Variants in CPNE4 observed in about 807,000 individuals in gnomAD.
The protein encoded by CPNE4 is copine-4.
CPNE4 carries 25 observed loss-of-function variants against 67.9 expected under a neutral mutation model. The observed-to-expected ratio is 0.37, with a 90% CI of 0.27 to 0.51. CPNE4 has a LOEUF of 0.51. Ranked by LOEUF, CPNE4 falls within the 20% of genes least tolerant of loss-of-function variation. The probability of loss-of-function intolerance (pLI) is 0.93; values close to 1 mark genes in which losing one functional copy is unlikely to be tolerated. For missense variants in CPNE4, 464 were observed against 690.8 expected, an observed-to-expected ratio of 0.67 and a Z score of 3.68; for synonymous variants, 242 against 244.9, an observed-to-expected ratio of 0.99 and a Z score of 0.11.
chr3:131,676,586 G>A (rs112242939), intron 6 of CPNE4, among the ~76,000 whole-genome samples: 5,650 of 151,908 alleles, frequency 0.037, 261 homozygotes, highest in African/African-American at 0.11. Flanking sequence ...CTATATGTCC[G>A]TGTGTTCTCA....
chr3:131,940,442 T>C (rs1347057814), intron 1 of CPNE4, among the ~76,000 whole-genome samples: 1 of 152,136 alleles, frequency 6.6e-6, no homozygotes, highest in Non-Finnish European at 1.5e-5. Context: ...ACATTGAGCA[T>C]GTCTTACCTT....
At chr3:131,650,201 A>G (rs1182755743) in intron 7 of CPNE4, among the ~76,000 whole-genome samples, 3 of 152,204 alleles carry the variant, frequency 2.0e-5, no homozygotes, top group Admixed American at 1.3e-4. Context: ...AGGGATATTA[A>G]TTACATCTTC....
chr3:131,880,665 A>C (rs4854847), intron 2 of CPNE4, among the ~76,000 whole-genome samples: 96,362 of 152,032 alleles, frequency 0.63, 30,771 homozygotes, highest in Admixed American at 0.72. Context: ...ACTTGAATGT[A>C]TTCAAAAGAG....
intron 1 of CPNE4, among the ~76,000 whole-genome samples, chr3:131,998,813 A>T (rs1260602493): frequency 6.6e-6 from 1 of 152,094 alleles, no homozygotes; most frequent in African/African-American, 2.4e-5. Flanking sequence ...ACTACATATT[A>T]TGCTATTTTT....
intron 3 of CPNE4, among the ~76,000 whole-genome samples, chr3:131,722,177 C>T (rs902201116): frequency 1.3e-5 from 2 of 152,162 alleles, no homozygotes; most frequent in African/African-American, 4.8e-5. Context: ...AATATATATG[C>T]TTGCCATCTC....
chr3:131,813,287 T>C (rs2084605294), intron 2 of CPNE4, among the ~76,000 whole-genome samples: 1 of 151,362 alleles, frequency 6.6e-6, no homozygotes, highest in African/African-American at 2.4e-5. Flanking sequence ...TATGTTTCCA[T>C]AGTGATAAAG....
intron 1 of CPNE4, among the ~76,000 whole-genome samples, chr3:131,964,646 G>A (rs183390606): frequency 7.4e-4 from 112 of 151,606 alleles, no homozygotes; most frequent in African/African-American, 2.2e-3. Flanking sequence ...CAACTCAATG[G>A]CATAAAGGGT....
chr3:131,810,680 T>G (rs2084490576), intron 2 of CPNE4, among the ~76,000 whole-genome samples: 1 of 152,150 alleles, frequency 6.6e-6, no homozygotes, highest in African/African-American at 2.4e-5. Flanking sequence ...AACCCACTTC[T>G]GGGTATACAT....
At chr3:131,796,470 C>A (rs193278587) in intron 2 of CPNE4, among the ~76,000 whole-genome samples, 2 of 152,250 alleles carry the variant, frequency 1.3e-5, no homozygotes, top group East Asian at 3.9e-4. Flanking sequence ...CAGCTTTCTG[C>A]AAAGAGGACA....
intron 1 of CPNE4, among the ~76,000 whole-genome samples, chr3:131,906,652 T>C (rs930749732): frequency 7.2e-5 from 11 of 152,094 alleles, no homozygotes; most frequent in African/African-American, 1.9e-4. Flanking sequence ...CAGTCTATCA[T>C]TGTTGGACAT....
chr3:131,845,848 GA>G (rs1560451415), intron 2 of CPNE4, among the ~76,000 whole-genome samples: 2 of 152,074 alleles, frequency 1.3e-5, no homozygotes, highest in South Asian at 2.1e-4. Context: ...GACACTAGAG[GA>G]AAAAAATTCT....
intron 2 of CPNE4, among the ~76,000 whole-genome samples, chr3:131,773,651 G>T (rs1411752812): frequency 6.6e-6 from 1 of 151,930 alleles, no homozygotes. Flanking sequence ...CCTGGCCAAG[G>T]AAGATTTAAA....
intron 2 of CPNE4, among the ~76,000 whole-genome samples, chr3:131,836,579 TTCAAGATAGCACA>T (rs2085564821): frequency 1.3e-5 from 2 of 152,182 alleles, no homozygotes; most frequent in African/African-American, 2.4e-5. Flanking sequence ...ACCACTTCTT[TTCAAGATAGCACA>T]GTGCAACCAG....
At position 131,631,581 on chromosome 3, in the gene CPNE4, G is replaced by A. The variant is rs919452419; in HGVS notation, c.681+38094C>T. On this transcript the variant is annotated intron_variant, in intron 7 of 15. Transcript: ENST00000429747. Reference sequence around the variant, plus strand: ...CCCAGTTCAATGTATTACCTTATACGGAAAACCGGAAATTATTAACATTTT... The same window carrying A: ...CCCAGTTCAATGTATTACCTTATACAGAAAACCGGAAATTATTAACATTTT... Among the ~76,000 whole-genome samples the A allele has an allele frequency of 4.6e-5, 7 of 152,100 alleles. 1 individual carries two copies. Among genetic ancestry groups the A allele is most frequent in the South Asian group, 2.1e-4 (1 of 4,816 alleles).
chr3:131,749,768 G>T (rs767320899), intron 2 of CPNE4, among the ~76,000 whole-genome samples: 1 of 151,980 alleles, frequency 6.6e-6, no homozygotes, highest in Admixed American at 6.6e-5. Context: ...ATTTAGGCAC[G>T]TCTGCTTTCA....
chr3:131,680,870 C>A (rs2080733511), intron 6 of CPNE4, among the ~76,000 whole-genome samples: 1 of 152,100 alleles, frequency 6.6e-6, no homozygotes, highest in South Asian at 2.1e-4. Context: ...CATTCTTATG[C>A]CTTTGTATCT....
chr3:131,947,074 G>A (rs1358742604), intron 1 of CPNE4, among the ~76,000 whole-genome samples: 1 of 152,110 alleles, frequency 6.6e-6, no homozygotes, highest in Non-Finnish European at 1.5e-5. Context: ...ATCTACCCTT[G>A]CAACAATTTC....
chr3:131,806,163 C>T (rs543236201), intron 2 of CPNE4, among the ~76,000 whole-genome samples: 20 of 152,320 alleles, frequency 1.3e-4, no homozygotes, highest in African/African-American at 3.6e-4. Flanking sequence ...TTAAGGAGAA[C>T]GTTTTTGTTG....
chr3:131,993,472 C>CAAAAAAAAAAAAAAAAAA lies in CPNE4; in HGVS notation c.-2+41094_-2+41095insTTTTTTTTTTTTTTTTTT, dbSNP rs58116331. ...ACCCTGATTTCGTGTGCAGGAGTGGCAAAAAAAAAAAAAAAAAGCATAGCT... is the reference window on the plus strand; with the variant it reads ...ACCCTGATTTCGTGTGCAGGAGTGGCAAAAAAAAAAAAAAAAAAAAAAAAAAAAAAAAAAAGCATAGCT... On this transcript the variant is annotated intron_variant, in intron 1 of 15. Transcript: ENST00000429747. Among the ~76,000 whole-genome samples the CAAAAAAAAAAAAAAAAAA allele has an allele frequency of 2.2e-3, 132 of 60,440 alleles. 17 individuals carry two copies. The highest frequency in any genetic ancestry group is 7.0e-3 in the African/African-American group (128 of 18,286). 39.7% of individuals were successfully genotyped at this position (60,440 alleles called of 152,430 possible).
Sources: allele counts gnomAD v4.1 joint callset (sites outside exome capture counted in the v4.1 genomes callset), GRCh38; gene constraint gnomAD v4.1.1; transcripts MANE v1.5; gene names NCBI Gene and HGNC (gene_info 2026-07-23, HGNC 2026-07-21).